The following STK32A variants were observed in gnomAD, a reference collection of about 807,000 sequenced individuals.
STK32A encodes serine/threonine kinase 32A.
Under a neutral mutation model 53.2 loss-of-function variants are expected in STK32A, and 41 were observed. That is an observed-to-expected ratio of 0.77 (90% CI 0.60 to 1.00). The LOEUF (loss-of-function observed/expected upper bound fraction) is 1.00, where lower values mean the gene tolerates loss of function less well. Among genes scored for constraint, STK32A ranks in the 50% least tolerant of loss-of-function variants. STK32A has a pLI of 0.00. For missense variants in STK32A, 458 were observed against 485.8 expected, an observed-to-expected ratio of 0.94 and a Z score of 0.54; for synonymous variants, 166 against 162.8, an observed-to-expected ratio of 1.02 and a Z score of -0.15.
intron 2 of STK32A, chr5:147,239,985 T>C: frequency 6.6e-6 from 2 of 305,292 alleles, no homozygotes; most frequent in Non-Finnish European, 1.2e-5. Context: ...GTGCTGTTCC[T>C]TGGCAGTTGA....
chr5:147,353,235 G>A (rs553951086), intron 7 of STK32A, among the ~76,000 whole-genome samples: 4 of 152,298 alleles, frequency 2.6e-5, no homozygotes, highest in East Asian at 1.9e-4. Flanking sequence ...CCTCCATACC[G>A]GGGTGGCTGA....
intron 11 of STK32A, among the ~76,000 whole-genome samples, chr5:147,382,012 G>A (rs1561760581): frequency 6.6e-6 from 1 of 151,776 alleles, no homozygotes; most frequent in Middle Eastern, 3.2e-3. Context: ...TTTTAAGAAA[G>A]TTTACAAATT....
intron 2 of STK32A, among the ~76,000 whole-genome samples, chr5:147,244,791 T>C (rs1753714568): frequency 6.6e-6 from 1 of 152,190 alleles, no homozygotes. Flanking sequence ...CAGGTAATAA[T>C]TGGGCATACT....
At chr5:147,361,318 C>T (rs1201446137) in intron 7 of STK32A, among the ~76,000 whole-genome samples, 199 bp from the exon 8 acceptor site, 2 of 152,162 alleles carry the variant, frequency 1.3e-5, no homozygotes, top group Non-Finnish European at 2.9e-5. Flanking sequence ...TGTGTGTTGA[C>T]TGATGAATGA....
chr5:147,299,653 T>TG (rs773817974), intron 4 of STK32A, among the ~76,000 whole-genome samples: 1 of 152,182 alleles, frequency 6.6e-6, no homozygotes, highest in Non-Finnish European at 1.5e-5. Context: ...TAGCATTTAT[T>TG]GGGGCTCAAA....
At chr5:147,345,360 A>G (rs1186917654) in intron 6 of STK32A, among the ~76,000 whole-genome samples, 1 of 152,192 alleles carries the variant, frequency 6.6e-6, no homozygotes, top group Non-Finnish European at 1.5e-5. Flanking sequence ...ATCACTCAAT[A>G]AAAGTCTAAT....
At chr5:147,330,118 G>T (rs72831380) in intron 5 of STK32A, among the ~76,000 whole-genome samples, 1 of 152,134 alleles carries the variant, frequency 6.6e-6, no homozygotes, top group African/African-American at 2.4e-5. Context: ...TGGGACAGGT[G>T]TCTGGGCACA....
chr5:147,257,238 T>A (rs1754274959), intron 2 of STK32A, among the ~76,000 whole-genome samples: 1 of 146,902 alleles, frequency 6.8e-6, no homozygotes. Context: ...GCATAAAAGC[T>A]CTACGTCGGG....
chr5:147,256,827 GT>G, intron 2 of STK32A, among the ~76,000 whole-genome samples: 1 of 152,074 alleles, frequency 6.6e-6, no homozygotes, highest in Admixed American at 6.5e-5. Context: ...TAAGTCTTTA[GT>G]TTTTACAATA....
the STK32A span, among the ~76,000 whole-genome samples, chr5:147,396,352 G>A: frequency 6.6e-6 from 1 of 152,216 alleles, no homozygotes. Context: ...CCTTGTGCCA[G>A]GCACTAGGGC....
chr5:147,248,436 T>C (rs1178352848), intron 2 of STK32A, among the ~76,000 whole-genome samples: 1 of 152,146 alleles, frequency 6.6e-6, no homozygotes, highest in East Asian at 1.9e-4. Flanking sequence ...AATATGCTAT[T>C]TTTGTAAGAT....
At chr5:147,342,690 C>A (rs1419061297) in intron 5 of STK32A, 2 of 319,434 alleles carry the variant, frequency 6.3e-6, no homozygotes, top group Admixed American at 4.5e-5. Flanking sequence ...TCCAATGGAC[C>A]AATATCTACA....
chr5:147,395,615 G>T, the STK32A span: 1 of 1,614,086 alleles, frequency 6.2e-7, no homozygotes, highest in Non-Finnish European at 8.5e-7. Flanking sequence ...CGGCCGAGTA[G>T]GAGAGCCCCG....
At chr5:147,335,534 A>C (rs1192838955) in intron 5 of STK32A, among the ~76,000 whole-genome samples, 1 of 151,874 alleles carries the variant, frequency 6.6e-6, no homozygotes, top group East Asian at 1.9e-4. Flanking sequence ...GCTCCATGCT[A>C]AATTCTTTAA....
At chr5:147,309,817 C>T (rs1424548130) in intron 4 of STK32A, among the ~76,000 whole-genome samples, 4 of 152,120 alleles carry the variant, frequency 2.6e-5, no homozygotes, top group Non-Finnish European at 4.4e-5. Flanking sequence ...CCATTTCTTT[C>T]GATAGCCACA....
chr5:147,350,797 G>T (rs532555632), intron 6 of STK32A, among the ~76,000 whole-genome samples: 1,851 of 152,278 alleles, frequency 0.012, 23 homozygotes, highest in South Asian at 0.041. Context: ...ACAGACAAAA[G>T]ATGCCTAACT....
rs539268524 is a variant in STK32A at position 147,283,660 on chromosome 5, GA to G, written c.260+4264del. ...ACAAAAGATCATTCAAGGCTACTAT[GA>G]ACACCTTTATGCACATAAACTAGAA... On this transcript the variant is annotated intron_variant, in intron 4 of 12. Transcript: ENST00000397936. 2.0e-5 allele frequency among the ~76,000 whole-genome samples: 3 copies of G among 152,002 alleles called. No individual in the cohort carries two copies. In the South Asian group the frequency reaches 6.2e-4, roughly 31 times the overall value.
chr5:147,297,276 C>T lies in STK32A; in HGVS notation c.260+17878C>T, dbSNP rs376059056. Among the ~76,000 whole-genome samples, 63 of 151,846 alleles carry T rather than the reference C, an allele frequency of 4.1e-4. 1 individual carries two copies. The South Asian group carries it at 8.5e-3, about 20-fold the overall frequency. ...TCTCAGCTTCTCTGTTGAGCACCTA[C>T]TCACGGAGGCCCCAAAGCCCTATAT... On this transcript the variant is annotated intron_variant, in intron 4 of 12. Coordinates refer to ENST00000397936, the MANE Select transcript of STK32A (RefSeq NM_001112724.2).
chr5:147,280,960 ACT>A (rs1355084359), intron 4 of STK32A, among the ~76,000 whole-genome samples: 1 of 152,068 alleles, frequency 6.6e-6, no homozygotes, highest in African/African-American at 2.4e-5. Context: ...ACATCACAGG[ACT>A]CTGTGCAGAC....
Sources: gnomAD v4.1 joint callset for allele counts (sites outside exome capture counted in the v4.1 genomes callset) on GRCh38, gnomAD v4.1.1 for gene constraint, MANE v1.5 for transcripts, NCBI Gene and HGNC (gene_info 2026-07-23, HGNC 2026-07-21) for gene names.